MCHR2: variants seen among roughly 807,000 people sequenced by gnomAD.
The protein encoded by MCHR2 is melanin-concentrating hormone receptor 2.
In MCHR2, 15 loss-of-function variants were observed where a neutral mutation model predicts 24.8. That is an observed-to-expected ratio of 0.60 (90% CI 0.40 to 0.93). MCHR2 has a LOEUF of 0.93. Among genes scored for constraint, MCHR2 ranks in the 40% least tolerant of loss-of-function variants. The pLI is 0.00. For missense variants in MCHR2, 386 were observed against 408.7 expected, an observed-to-expected ratio of 0.94 and a Z score of 0.48; for synonymous variants, 151 against 147.6, an observed-to-expected ratio of 1.02 and a Z score of -0.17.
At chr6:99,945,900 C>T (rs1272729723) in intron 3 of MCHR2, among the ~76,000 whole-genome samples, 2 of 152,064 alleles carry the variant, frequency 1.3e-5, no homozygotes, top group African/African-American at 2.4e-5. Flanking sequence ...TGTGTGCACA[C>T]ATATATACAC....
chr6:99,940,036 T>G (rs1774742214), intron 4 of MCHR2, among the ~76,000 whole-genome samples: 1 of 152,012 alleles, frequency 6.6e-6, no homozygotes, highest in Non-Finnish European at 1.5e-5. Context: ...CTTTGACTTT[T>G]GAGAGTTTAT....
At chr6:99,939,027 G>T (rs181027911) in intron 4 of MCHR2, among the ~76,000 whole-genome samples, 2 of 151,994 alleles carry the variant, frequency 1.3e-5, no homozygotes, top group East Asian at 1.9e-4. Context: ...ACCTCCAGTT[G>T]TATGGAATGT....
At chr6:99,982,187 C>G (rs1775681453) in intron 1 of MCHR2, among the ~76,000 whole-genome samples, 1 of 151,970 alleles carries the variant, frequency 6.6e-6, no homozygotes, top group Non-Finnish European at 1.5e-5. Flanking sequence ...GCCTTGTCTC[C>G]CACTTCGACA....
At chr6:99,993,688 C>T (rs1365248008) in intron 1 of MCHR2, among the ~76,000 whole-genome samples, 1 of 152,128 alleles carries the variant, frequency 6.6e-6, no homozygotes, top group East Asian at 1.9e-4. Context: ...ATTTTCTTTG[C>T]CGAGTGTGAA....
At chr6:99,925,737 A>G (rs1022845675) in intron 5 of MCHR2, among the ~76,000 whole-genome samples, 3 of 151,764 alleles carry the variant, frequency 2.0e-5, no homozygotes, top group African/African-American at 4.8e-5. Flanking sequence ...TTGTTGTTTC[A>G]GTGTATATCT....
intron 3 of MCHR2, among the ~76,000 whole-genome samples, chr6:99,946,543 A>G (rs1774874343): frequency 6.6e-6 from 1 of 152,092 alleles, no homozygotes. Context: ...ACCCTTCAAG[A>G]CATTCATTCA....
At chr6:99,990,170 C>T (rs1005551349) in intron 1 of MCHR2, among the ~76,000 whole-genome samples, 3 of 152,102 alleles carry the variant, frequency 2.0e-5, no homozygotes, top group African/African-American at 4.8e-5. Context: ...CAAGGTGGGA[C>T]CCAGGTGATG....
chr6:99,927,155 G>C (rs1442100041), intron 5 of MCHR2, among the ~76,000 whole-genome samples: 1 of 152,112 alleles, frequency 6.6e-6, no homozygotes, highest in Non-Finnish European at 1.5e-5. Flanking sequence ...TAGATATGCA[G>C]TGTTATTTCT....
chr6:99,922,092 G>A (rs1337967505), intron 5 of MCHR2, among the ~76,000 whole-genome samples: 1 of 147,572 alleles, frequency 6.8e-6, no homozygotes, highest in African/African-American at 2.5e-5. Flanking sequence ...AACTTGTTGC[G>A]ATCCCATTTG....
chr6:99,971,043 A>G (rs539023390), intron 1 of MCHR2, among the ~76,000 whole-genome samples: 2 of 152,088 alleles, frequency 1.3e-5, no homozygotes, highest in East Asian at 1.9e-4. Flanking sequence ...TTGGTGATGC[A>G]GGCTCTTTTT....
chr6:99,989,489 T>C (rs567317717), intron 1 of MCHR2, among the ~76,000 whole-genome samples: 1 of 152,290 alleles, frequency 6.6e-6, no homozygotes, highest in African/African-American at 2.4e-5. Context: ...AGGATATTGC[T>C]CAGGTTCCTC....
intron 1 of MCHR2, among the ~76,000 whole-genome samples, chr6:99,962,166 C>T (rs1775201311): frequency 6.6e-6 from 1 of 152,144 alleles, no homozygotes; most frequent in African/African-American, 2.4e-5. Context: ...TGAACACAAG[C>T]ACTGCTACAC....
chr6:99,941,279 C>T (rs946817901), intron 4 of MCHR2, among the ~76,000 whole-genome samples: 30 of 130,870 alleles, frequency 2.3e-4, no homozygotes, highest in African/African-American at 7.7e-4. Context: ...TCCTGAGGAA[C>T]CATCTCATCC....
At chr6:99,935,244 T>A (rs149002878) in intron 4 of MCHR2, among the ~76,000 whole-genome samples, 9 of 152,096 alleles carry the variant, frequency 5.9e-5, no homozygotes, top group African/African-American at 2.2e-4. Flanking sequence ...CTAGCTATTT[T>A]GAAATGTACA....
intron 1 of MCHR2, among the ~76,000 whole-genome samples, chr6:99,972,024 T>C (rs1302783760): frequency 6.6e-6 from 1 of 152,244 alleles, no homozygotes; most frequent in Non-Finnish European, 1.5e-5. Flanking sequence ...AAAATTCTCT[T>C]TTTTTGTTGT....
chr6:99,925,029 C>A (rs752856853), intron 5 of MCHR2, among the ~76,000 whole-genome samples: 21 of 151,948 alleles, frequency 1.4e-4, no homozygotes, highest in Non-Finnish European at 2.8e-4. Context: ...TATATTGGGG[C>A]CTATCTCTCT....
chr6:99,975,555 G>A (rs373549955), intron 1 of MCHR2, among the ~76,000 whole-genome samples: 11 of 152,292 alleles, frequency 7.2e-5, no homozygotes, highest in Middle Eastern at 3.4e-3. Flanking sequence ...GCTTCAGCTC[G>A]TGCATGGTGC....
chr6:99,947,905 T>C lies in MCHR2; in HGVS notation c.249A>G (p.Ile83Met). 6.2e-7 allele frequency: 1 copy of C among 1,613,758 alleles called. No homozygotes were observed. Among genetic ancestry groups the C allele is most frequent in the Non-Finnish European group, 8.5e-7 (1 of 1,179,790 alleles). Reference sequence around the variant, plus strand: ...GGTGAATAAGAAAAGGCATTCCAACTATGTGGACCAAATCAGCCACAGCCA... The same window carrying C: ...GGTGAATAAGAAAAGGCATTCCAACCATGTGGACCAAATCAGCCACAGCCA... ...CNLAVADLVH[I>M]VGMPFLIHQW... The change falls in exon 3 of 6, where the codon ATA becomes ATG. Residue 83 changes from isoleucine (I) to methionine (M), a missense_variant. Ile to Met is a conservative substitution (Grantham distance 10, BLOSUM62 1). Coordinates refer to ENST00000281806, the MANE Select transcript of MCHR2 (RefSeq NM_001040179.2).
chr6:99,959,858 T>G (rs12189887), intron 1 of MCHR2, among the ~76,000 whole-genome samples: 18,485 of 148,948 alleles, frequency 0.12, 1,250 homozygotes, highest in African/African-American at 0.15. Flanking sequence ...TAATAATAGG[T>G]AAAAAAAGCC....
Sources: allele counts gnomAD v4.1 joint callset (sites outside exome capture counted in the v4.1 genomes callset), GRCh38; gene constraint gnomAD v4.1.1; transcripts MANE v1.5; gene names NCBI Gene and HGNC (gene_info 2026-07-23, HGNC 2026-07-21).